The following MCC variants were observed in gnomAD, a reference collection of about 807,000 sequenced individuals.
MCC encodes MCC regulator of Wnt signaling pathway, also known as colorectal mutant cancer protein.
A neutral mutation model predicts 116.2 loss-of-function variants in MCC; 90 were observed. The observed-to-expected ratio is 0.77, with a 90% confidence interval of 0.65 to 0.92. MCC has a LOEUF of 0.92. Among genes scored for constraint, MCC ranks in the 40% least tolerant of loss-of-function variants. The probability of loss-of-function intolerance (pLI) is 0.00; values close to 1 mark genes in which losing one functional copy is unlikely to be tolerated. For synonymous variants in MCC, 578 were observed against 510.5 expected, an observed-to-expected ratio of 1.13 and a Z score of -1.78; for missense variants, 1,516 against 1,312.2, an observed-to-expected ratio of 1.16 and a Z score of -2.40.
intron 3 of MCC, among the ~76,000 whole-genome samples, chr5:113,250,132 A>G (rs149390776): frequency 1.3e-5 from 2 of 152,328 alleles, no homozygotes; most frequent in Non-Finnish European, 2.9e-5. Flanking sequence ...GGTGTACTGC[A>G]AACAGCAGGA....
intron 17 of MCC, among the ~76,000 whole-genome samples, chr5:113,029,347 C>T (rs1750798435): frequency 6.6e-6 from 1 of 150,540 alleles, no homozygotes; most frequent in South Asian, 2.1e-4. Flanking sequence ...TCTAGAAGTT[C>T]CTTTCTACTA....
intron 3 of MCC, among the ~76,000 whole-genome samples, chr5:113,316,023 T>A (rs558837254): frequency 1.1e-4 from 17 of 152,164 alleles, no homozygotes; most frequent in African/African-American, 4.1e-4. Flanking sequence ...TTTGGGAGGC[T>A]GAGGTGGGCA....
chr5:113,474,026 T>A (rs1198524329), intron 1 of MCC, among the ~76,000 whole-genome samples: 2 of 152,206 alleles, frequency 1.3e-5, no homozygotes, highest in Non-Finnish European at 2.9e-5. Flanking sequence ...TGAATTTTGG[T>A]CACACTGATC....
intron 3 of MCC, among the ~76,000 whole-genome samples, chr5:113,306,620 G>T (rs763612317): frequency 3.9e-5 from 6 of 151,926 alleles, no homozygotes; most frequent in Non-Finnish European, 8.8e-5. Flanking sequence ...CTGGAGATTA[G>T]ACCTTTAGCA....
chr5:113,433,424 C>A lies in MCC; in HGVS notation c.171-48212G>T, dbSNP rs564198985. 27 of 589,180 alleles carry A rather than the reference C, an allele frequency of 4.6e-5. No individual in the cohort carries two copies. In the African/African-American group the frequency reaches 5.0e-4, roughly 11 times the overall value. The allele number at this position is 589,180 out of a possible 1,614,324, so 36.5% of individuals were successfully genotyped here. A position where few individuals can be genotyped will look rare whatever the true frequency, so the allele number is the denominator to read the frequency against. On this transcript the variant is annotated intron_variant, in intron 1 of 18. Transcript: ENST00000408903. Reference sequence around the variant, plus strand: ...CTTCCTGCTGCTCTTCCTGCTCTTGCTGTCACTGAGCCGTTGCGGCCAGTG... The same window carrying A: ...CTTCCTGCTGCTCTTCCTGCTCTTGATGTCACTGAGCCGTTGCGGCCAGTG...
At chr5:113,478,734 C>A (rs1772297630) in intron 1 of MCC, among the ~76,000 whole-genome samples, 1 of 152,040 alleles carries the variant, frequency 6.6e-6, no homozygotes, top group Non-Finnish European at 1.5e-5. Flanking sequence ...CTTTAAGGGT[C>A]TTTAGATAAG....
intron 3 of MCC, among the ~76,000 whole-genome samples, chr5:113,211,785 T>A (rs1763144359): frequency 6.6e-6 from 1 of 152,194 alleles, no homozygotes; most frequent in Non-Finnish European, 1.5e-5. Flanking sequence ...ATAAACAAAT[T>A]GGCTTAGAGG....
intron 5 of MCC, among the ~76,000 whole-genome samples, chr5:113,138,717 G>A (rs1363845243): frequency 1.3e-5 from 2 of 152,152 alleles, no homozygotes; most frequent in African/African-American, 4.8e-5. Flanking sequence ...ATATTTTGAA[G>A]CTCCATGGGT....
At chr5:113,424,463 C>T (rs1770430976) in intron 1 of MCC, among the ~76,000 whole-genome samples, 1 of 152,036 alleles carries the variant, frequency 6.6e-6, no homozygotes, top group Non-Finnish European at 1.5e-5. Context: ...ACCTGTAATC[C>T]CAGCACTTTG....
intron 7 of MCC, among the ~76,000 whole-genome samples, 190 bp downstream of exon 7, chr5:113,104,002 T>G (rs13356288): frequency 0.076 from 11,614 of 152,230 alleles, 1,046 homozygotes; most frequent in African/African-American, 0.22. Flanking sequence ...CATGACTTTT[T>G]CTGAAATAAA....
chr5:113,208,493 G>A (rs954130232), intron 3 of MCC, among the ~76,000 whole-genome samples: 2 of 152,088 alleles, frequency 1.3e-5, no homozygotes, highest in South Asian at 2.1e-4. Context: ...GTAGGACCAG[G>A]TCCTCTGGGT....
At chr5:113,199,353 T>C (rs1762576436) in intron 3 of MCC, among the ~76,000 whole-genome samples, 1 of 151,890 alleles carries the variant, frequency 6.6e-6, no homozygotes, top group African/African-American at 2.4e-5. Flanking sequence ...GGACCAATAA[T>C]AGAAACCACA....
At chr5:113,303,774 T>C (rs904250487) in intron 3 of MCC, among the ~76,000 whole-genome samples, 17 of 152,156 alleles carry the variant, frequency 1.1e-4, no homozygotes, top group Non-Finnish European at 2.2e-4. Context: ...TGCCTCAGCC[T>C]CCCAAGTAGC....
intron 8 of MCC, 172 bp downstream of exon 8, chr5:113,101,567 A>T (rs1206407227): frequency 3.2e-6 from 2 of 631,640 alleles, no homozygotes; most frequent in African/African-American, 3.7e-5. Flanking sequence ...TTACCTCTAT[A>T]CCTTAGCAAT....
chr5:113,189,090 C>T (rs1014677151), intron 3 of MCC, among the ~76,000 whole-genome samples: 1 of 152,160 alleles, frequency 6.6e-6, no homozygotes, highest in Admixed American at 6.5e-5. Context: ...TGAAAAGGAG[C>T]ACCTGAACAG....
intron 3 of MCC, among the ~76,000 whole-genome samples, chr5:113,266,801 AC>A: frequency 6.8e-6 from 1 of 148,052 alleles, no homozygotes; most frequent in East Asian, 1.9e-4. Flanking sequence ...GGACAAAAAA[AC>A]AAAACAAAAC....
intron 3 of MCC, among the ~76,000 whole-genome samples, chr5:113,266,204 A>G (rs1765410631): frequency 1.3e-5 from 2 of 151,654 alleles, no homozygotes; most frequent in African/African-American, 4.9e-5. Context: ...TTCAATCTAC[A>G]TTTCTTTTGT....
At chr5:113,335,669 A>AT (rs1161132751) in intron 3 of MCC, among the ~76,000 whole-genome samples, 1 of 151,674 alleles carries the variant, frequency 6.6e-6, no homozygotes, top group Non-Finnish European at 1.5e-5. Flanking sequence ...GACTCTTAAA[A>AT]TATCTCATAT....
intron 3 of MCC, among the ~76,000 whole-genome samples, chr5:113,248,060 G>C (rs6891308): frequency 1.1e-4 from 16 of 152,064 alleles, no homozygotes; most frequent in African/African-American, 3.4e-4. Context: ...GTCAGGGAAG[G>C]GGGCAGAGAA....
Sources: gnomAD v4.1 joint callset for allele counts (sites outside exome capture counted in the v4.1 genomes callset) on GRCh38, gnomAD v4.1.1 for gene constraint, MANE v1.5 for transcripts, NCBI Gene and HGNC (gene_info 2026-07-23, HGNC 2026-07-21) for gene names.